PKP3: variants seen among roughly 807,000 people sequenced by gnomAD.
PKP3 encodes the protein plakophilin 3, also known as plakophilin-3.
A neutral mutation model predicts 76.5 loss-of-function variants in PKP3; 66 were observed. That is an observed-to-expected ratio of 0.86 (90% CI 0.71 to 1.06). PKP3 has a LOEUF of 1.06. PKP3 is among the 50% of genes least tolerant of loss of function. The pLI is 0.00. For missense variants in PKP3, 1,338 were observed against 1,141.0 expected, an observed-to-expected ratio of 1.17 and a Z score of -2.49; for synonymous variants, 638 against 516.5, an observed-to-expected ratio of 1.24 and a Z score of -3.19.
chr11:403,254 C>T lies in PKP3; in HGVS notation c.1914C>T (p.Gly638=), dbSNP rs1215553702. 2.5e-6 allele frequency: 4 copies of T among 1,576,554 alleles called. No individual in the cohort carries two copies. Among genetic ancestry groups the T allele is most frequent in the Admixed American group, 1.8e-5 (1 of 55,118 alleles). The change falls in exon 9 of 13, where the codon GGC becomes GGT. Residue 638 remains glycine, a synonymous_variant. Coordinates refer to ENST00000331563, the MANE Select transcript of PKP3 (RefSeq NM_007183.4). ...AAGALQNITA[G]DRRWAGVLSR... The stretch of plus-strand genomic sequence containing the variant: ...GGGCGCTGCAGAACATCACGGCAGG[C>T]GACCGCAGGGTGGGGCACCCAACCC...
At position 400,549 on chromosome 11, in the gene PKP3, G is replaced by T. The variant is rs951460039; in HGVS notation, c.1581G>T (p.Ala527=). 1.3e-6 allele frequency: 2 copies of T among 1,495,448 alleles called. No homozygotes were observed. Among genetic ancestry groups the T allele is most frequent in the Non-Finnish European group, 1.8e-6 (2 of 1,129,728 alleles). 92.6% of individuals were successfully genotyped at this position (1,495,448 alleles called of 1,614,324 possible). ...CCCGCCCGCAGAGCGTGGAGAACGC[G>T]GTGTGCGTCCTGCGGAACCTGTCCT... ...GKCEDKSVEN[A]VCVLRNLSYR... The change falls in exon 8 of 13, where the codon GCG becomes GCT. Residue 527 remains alanine, a synonymous_variant. Coordinates refer to ENST00000331563, the MANE Select transcript of PKP3 (RefSeq NM_007183.4).
intron 8 of PKP3, 27 bp downstream of exon 8, chr11:400,732 G>A: frequency 8.4e-7 from 1 of 1,192,754 alleles, no homozygotes; most frequent in Non-Finnish European, 1.0e-6. Context: ...GCGGGGCGTG[G>A]GGTGGGTGCT....
intron 9 of PKP3, 47 bp from the exon 10 acceptor site, chr11:403,571 A>AGG: frequency 6.4e-7 from 1 of 1,569,038 alleles, no homozygotes; most frequent in Non-Finnish European, 8.6e-7. Flanking sequence ...CCCTCAGGTG[A>AGG]GGGTCTGAGG....
Position 403,210 on chromosome 11 carries a change from A to G in PKP3, c.1870A>G (p.Thr624Ala). The part of the protein sequence containing the change: ...LLQRCELNRH[T>A]TEAAAGALQN... ...GCAGCGCTGCGAGCTCAACCGGCAC[A>G]CGACGGAGGCGGCCGCCGGGGCGCT... Residue 624 changes from threonine (T) to alanine (A), a missense_variant, in exon 9 of 13, where the codon ACG (threonine) becomes GCG (alanine). Physicochemically the swap from Thr to Ala is moderately conservative, Grantham distance 58. Coordinates refer to ENST00000331563, the MANE Select transcript of PKP3 (RefSeq NM_007183.4). 3 of 1,590,860 alleles carry G rather than the reference A, an allele frequency of 1.9e-6. No individual in the cohort carries two copies. Among genetic ancestry groups the G allele is most frequent in the Non-Finnish European group, 2.6e-6 (3 of 1,170,936 alleles).
chr11:394,283 A>T lies in PKP3; in HGVS notation c.-10A>T, dbSNP rs1490674267. The stretch of plus-strand genomic sequence containing the variant: ...CGGCCGCCAGGCCCAGGCCCGGTGG[A>T]CCTGCCGCCATGCAGGACGGTAACT... On this transcript the variant is annotated 5_prime_UTR_variant, in exon 1 of 13. Transcript: ENST00000331563. The T allele has an allele frequency of 4.7e-6, 7 of 1,500,606 alleles. No individual in the cohort carries two copies. The highest frequency in any genetic ancestry group is 4.3e-5 in the African/African-American group (3 of 69,170). The allele number at this position is 1,500,606 out of a possible 1,614,324, so 93.0% of individuals were successfully genotyped here.
chr11:396,207 G>A (rs1382195550), intron 1 of PKP3: 1 of 195,560 alleles, frequency 5.1e-6, no homozygotes, highest in Non-Finnish European at 1.0e-5. Context: ...GGGCACAGGA[G>A]GGGCTCAAAA....
At chr11:399,892 C>CCT (rs1225358060) in intron 5 of PKP3, 75 bp from the exon 6 acceptor site, 1 of 1,254,686 alleles carries the variant, frequency 8.0e-7, no homozygotes, top group Non-Finnish European at 1.1e-6. Context: ...AGAGGCGGGA[C>CCT]CTCTTCACAC....
rs200130471 is a variant in PKP3, at chr11:399,235, C to G, written c.1273+39C>G. The G allele has an allele frequency of 3.9e-3, 5,292 of 1,372,644 alleles. 20 individuals carry two copies. The highest frequency in any genetic ancestry group is 5.2e-3 in the South Asian group (373 of 71,434). The allele number at this position is 1,372,644 out of a possible 1,614,324, so 85.0% of individuals were successfully genotyped here. ...CCTCCTCCACCTGTCCTTCCTCCAC[C>G]TGCGCCCCTCTGCCTATCCCCCCTG... On this transcript the variant is annotated intron_variant, in intron 5 of 12. Transcript: ENST00000331563.
chr11:392,710 T>G (rs1590349798), upstream of PKP3: 1 of 1,284,998 alleles, frequency 7.8e-7, no homozygotes, highest in Non-Finnish European at 1.0e-6. Context: ...ACGAGCCGGG[T>G]AGGTCTCCCA....
At position 398,068 on chromosome 11, in the gene PKP3, C is replaced by A. The variant is rs570435778; in HGVS notation, c.1068+406C>A. Among the ~76,000 whole-genome samples, 117 of 95,472 alleles carry A rather than the reference C, an allele frequency of 1.2e-3. 1 individual carries two copies. Among genetic ancestry groups the A allele is most frequent in the African/African-American group, 4.9e-3 (105 of 21,528 alleles). 62.6% of individuals were successfully genotyped at this position (95,472 alleles called of 152,430 possible). The stretch of plus-strand genomic sequence containing the variant: ...CGCACACACCTGCGTCACCTCCGTA[C>A]CCCCGCACACACCTCCGTCACCTCC... On this transcript the variant is annotated intron_variant, in intron 4 of 12. Coordinates refer to ENST00000331563, the MANE Select transcript of PKP3 (RefSeq NM_007183.4).
Position 400,694 on chromosome 11 carries a change from C to A in PKP3, c.1726C>A (p.Arg576=), listed in dbSNP as rs963868778. ...GGGCTGCTTCACGCCGCAGAGCCGGCGGCTGCGCGAGGTGGGCACCAGCCT... is the reference window on the plus strand; with the variant it reads ...GGGCTGCTTCACGCCGCAGAGCCGGAGGCTGCGCGAGGTGGGCACCAGCCT... ...VVGCFTPQSR[R]LRELPLAADA... is the part of the protein sequence containing the mutation. The change falls in exon 8 of 13, where the codon CGG becomes AGG. Residue 576 remains arginine, a synonymous_variant. Transcript: ENST00000331563. The A allele has an allele frequency of 3.9e-6, 5 of 1,269,936 alleles. No individual in the cohort carries two copies. Among genetic ancestry groups the A allele is most frequent in the South Asian group, 4.5e-5 (2 of 44,882 alleles). The allele number at this position is 1,269,936 out of a possible 1,614,324, so 78.7% of individuals were successfully genotyped here. A position where few individuals can be genotyped will look rare whatever the true frequency, so the allele number is the denominator to read the frequency against.
chr11:398,867 C>T, intron 4 of PKP3, 125 bp from the exon 5 acceptor site: 1 of 783,934 alleles, frequency 1.3e-6, no homozygotes, highest in Admixed American at 2.5e-5. Flanking sequence ...ACACCTCCGT[C>T]ACCTCCCTAT....
At chr11:395,378 G>C (rs1033933086) in intron 1 of PKP3, among the ~76,000 whole-genome samples, 1 of 152,182 alleles carries the variant, frequency 6.6e-6, no homozygotes, top group African/African-American at 2.4e-5. Flanking sequence ...TGGCCAGGGG[G>C]AAGTGAAGGT....
At chr11:399,242 C>T (rs1847107267) in intron 5 of PKP3, 46 bp downstream of exon 5, 6 of 1,343,470 alleles carry the variant, frequency 4.5e-6, no homozygotes, top group Middle Eastern at 2.5e-4. Context: ...CACCTGCGCC[C>T]CTCTGCCTAT....
At position 403,208 on chromosome 11, in the gene PKP3, A is replaced by G. The variant is rs1212634216; in HGVS notation, c.1868A>G (p.His623Arg). 3.1e-6 allele frequency: 5 copies of G among 1,591,090 alleles called. No individual in the cohort carries two copies. The East Asian group carries it at 6.9e-5, about 22-fold the overall frequency. ...CTGCAGCGCTGCGAGCTCAACCGGC[A>G]CACGACGGAGGCGGCCGCCGGGGCG... Reference protein sequence around the residue: ...RLLQRCELNRHTTEAAAGALQ... With the variant: ...RLLQRCELNRRTTEAAAGALQ... Residue 623 changes from histidine to arginine, a missense_variant, in exon 9 of 13, where the codon CAC (histidine) becomes CGC (arginine). His to Arg is a conservative substitution (Grantham distance 29). Transcript: ENST00000331563.
At position 394,519 on chromosome 11, in the gene PKP3, C is replaced by G. The variant is rs1284019492; in HGVS notation, c.227C>G (p.Ala76Gly). 3.6e-6 allele frequency: 5 copies of G among 1,379,644 alleles called. No individual in the cohort carries two copies. In the South Asian group the frequency reaches 8.1e-5, roughly 22 times the overall value. 85.5% of individuals were successfully genotyped at this position (1,379,644 alleles called of 1,614,324 possible). A position where few individuals can be genotyped will look rare whatever the true frequency, so the allele number is the denominator to read the frequency against. The change falls in exon 1 of 13, where the codon GCC becomes GGC. Residue 76 changes from alanine (A) to glycine (G), a missense_variant. Coordinates refer to ENST00000331563, the MANE Select transcript of PKP3 (RefSeq NM_007183.4). ...GAGCCCGAGCCTGAGGCCGAGACTG[C>G]CAGAGGTAGGCGGTGGGGACAGCGG... ...AAEPEPEAETARGTSRGQYHT... is the reference protein window; with the variant it reads ...AAEPEPEAETGRGTSRGQYHT...
chr11:397,014 G>C lies in PKP3; in HGVS notation c.513G>C (p.Gly171=). 6.3e-7 allele frequency: 1 copy of C among 1,599,810 alleles called. No individual in the cohort carries two copies. The highest frequency in any genetic ancestry group is 2.2e-5 in the East Asian group (1 of 44,864). ...CCTTCCATGAGCGCGGTGGGGTTGGGAGCCGGGCCGACTATGACACACTCT... is the reference window on the plus strand; with the variant it reads ...CCTTCCATGAGCGCGGTGGGGTTGGCAGCCGGGCCGACTATGACACACTCT... ...PVSFHERGGV[G]SRADYDTLSL... Residue 171 remains glycine (G), a synonymous_variant, in exon 3 of 13, where the codon GGG becomes GGC. Transcript: ENST00000331563.
At chr11:398,305 C>T (rs2133598590) in intron 4 of PKP3, among the ~76,000 whole-genome samples, 3 of 61,062 alleles carry the variant, frequency 4.9e-5, no homozygotes, top group Admixed American at 2.8e-4. Flanking sequence ...TACCCCCGCA[C>T]ACACCTGCGT....
chr11:397,023 C>G lies in PKP3; in HGVS notation c.522C>G (p.Ala174=), dbSNP rs375315834. Residue 174 remains alanine, a synonymous_variant, in exon 3 of 13, where the codon GCC becomes GCG. Coordinates refer to ENST00000331563, the MANE Select transcript of PKP3 (RefSeq NM_007183.4). Reference sequence around the variant, plus strand: ...AGCGCGGTGGGGTTGGGAGCCGGGCCGACTATGACACACTCTCCCTGCGCT... The same window carrying G: ...AGCGCGGTGGGGTTGGGAGCCGGGCGGACTATGACACACTCTCCCTGCGCT... ...FHERGGVGSR[A]DYDTLSLRSL... 2.5e-6 allele frequency: 4 copies of G among 1,599,640 alleles called. No individual in the cohort carries two copies. The highest frequency in any genetic ancestry group is 3.4e-6 in the Non-Finnish European group (4 of 1,179,552).
Sources: allele counts gnomAD v4.1 joint callset (sites outside exome capture counted in the v4.1 genomes callset), GRCh38; gene constraint gnomAD v4.1.1; transcripts MANE v1.5; gene names NCBI Gene and HGNC (gene_info 2026-07-23, HGNC 2026-07-21).